The following ADGRG1 variants were observed in gnomAD, a reference collection of about 807,000 sequenced individuals.
The protein encoded by ADGRG1 is adhesion G protein-coupled receptor G1.
In ADGRG1, 53 loss-of-function variants were observed where a neutral mutation model predicts 73.5. The ratio of observed to expected loss-of-function variants is 0.72; its 90% CI spans 0.58 to 0.91. The LOEUF (loss-of-function observed/expected upper bound fraction) is 0.91, where lower values mean the gene tolerates loss of function less well. ADGRG1 is among the 40% of genes least tolerant of loss of function. ADGRG1 has a pLI of 0.00. For missense variants in ADGRG1, 795 were observed against 871.8 expected (o/e 0.91, Z 1.11); for synonymous variants, 394 against 374.4 (o/e 1.05, Z -0.60).
chr16:57,630,115 G>C, intron 1 of ADGRG1: 1 of 681,624 alleles, frequency 1.5e-6, no homozygotes, highest in African/African-American at 2.0e-5. Flanking sequence ...ACATGGCCGT[G>C]GGTGAGGCAA....
At chr16:57,631,351 G>A (rs1430237476) in intron 1 of ADGRG1, 2 of 985,842 alleles carry the variant, frequency 2.0e-6, no homozygotes, top group African/African-American at 3.5e-5. Flanking sequence ...CCGCCATCCT[G>A]TGCAGAAGCT....
At chr16:57,652,192 G>A (rs2044273102) in intron 3 of ADGRG1, 13 of 989,304 alleles carry the variant, frequency 1.3e-5, no homozygotes, top group African/African-American at 1.7e-5. Context: ...TTGACTCTGA[G>A]GTCCAGAAGC....
At chr16:57,656,366 C>T in intron 8 of ADGRG1, 95 bp downstream of exon 8, 3 of 1,611,214 alleles carry the variant, frequency 1.9e-6, no homozygotes, top group Non-Finnish European at 2.5e-6. Context: ...CGAGGGCTTC[C>T]TGGAGAAAGG....
intron 1 of ADGRG1, chr16:57,637,294 C>T (rs2039601333): frequency 2.0e-6 from 2 of 984,988 alleles, no homozygotes; most frequent in South Asian, 4.7e-5. Context: ...AGTGCTTTGG[C>T]TTTTGGCTCT....
intron 7 of ADGRG1, 116 bp from the exon 8 acceptor site, chr16:57,656,110 G>C: frequency 6.2e-7 from 1 of 1,613,530 alleles, no homozygotes; most frequent in South Asian, 1.1e-5. Flanking sequence ...CGAGCAGTCA[G>C]GTCCAAATGG....
In ADGRG1 at chr16:57,661,489, T is replaced by C. The variant is rs576805959; in HGVS notation, c.1665-208T>C. The stretch of plus-strand genomic sequence containing the variant: ...TGATTTCTGCCTCACTTTTGTACTA[T>C]CTATATTATTACTTACTTAACATTT... On this transcript the variant is annotated intron_variant, in intron 12 of 13. Transcript: ENST00000562631. 3 of 981,778 alleles carry C rather than the reference T, an allele frequency of 3.1e-6. No individual in the cohort carries two copies. In the African/African-American group the frequency reaches 5.2e-5, roughly 17 times the overall value. 60.8% of individuals were successfully genotyped at this position (981,778 alleles called of 1,614,324 possible).
upstream of ADGRG1, chr16:57,627,037 G>A (rs2035976824): frequency 3.0e-6 from 3 of 984,044 alleles, no homozygotes; most frequent in Non-Finnish European, 3.6e-6. Flanking sequence ...TTGGCCCACA[G>A]CCTGGACTGG....
rs1472183013 is a variant in ADGRG1 at position 57,651,202 on chromosome 16, G to A, written c.67G>A (p.Ala23Thr). ...LLSLLFLVQG[A>T]HGRGHREDFR... ...ATCTGCAGCCTCTGCCTCCTCAGGT[G>A]CCCACGGCAGGGGCCACAGGGAAGA... The change falls in exon 3 of 14, where the codon GCC becomes ACC. Residue 23 changes from alanine (A) to threonine (T), a missense_variant and splice_region_variant. Ala to Thr is a moderately conservative substitution (Grantham distance 58). Coordinates refer to ENST00000562631, the MANE Select transcript of ADGRG1 (RefSeq NM_201525.4). 1.9e-6 allele frequency: 3 copies of A among 1,613,858 alleles called. No individual in the cohort carries two copies. The highest frequency in any genetic ancestry group is 2.5e-6 in the Non-Finnish European group (3 of 1,179,982).
chr16:57,630,121 G>T, intron 1 of ADGRG1: 1 of 627,266 alleles, frequency 1.6e-6, no homozygotes, highest in Non-Finnish European at 2.0e-6. Flanking sequence ...CCGTGGGTGA[G>T]GCAAATAAGG....
chr16:57,645,724 C>A (rs1481981071), intron 1 of ADGRG1, among the ~76,000 whole-genome samples: 1 of 152,176 alleles, frequency 6.6e-6, no homozygotes, highest in Non-Finnish European at 1.5e-5. Flanking sequence ...CTCTTTGGGC[C>A]GGGACTGTGA....
rs1409957404 is a variant in ADGRG1 at position 57,663,608 on chromosome 16, T to A, written c.*26T>A. The stretch of plus-strand genomic sequence containing the variant: ...GCCTCCAGCCCACCTGCCCATGTGA[T>A]GAAGCAGAGATTCGGCCTCGTCGCA... On this transcript the variant is annotated 3_prime_UTR_variant, in exon 14 of 14. Coordinates refer to ENST00000562631, the MANE Select transcript of ADGRG1 (RefSeq NM_201525.4). 3 of 1,610,446 alleles carry A rather than the reference T, an allele frequency of 1.9e-6. No homozygotes were observed. The highest frequency in any genetic ancestry group is 3.3e-5 in the Admixed American group (2 of 60,016).
intron 1 of ADGRG1, chr16:57,647,742 G>T (rs2043041595): frequency 1.0e-6 from 1 of 971,170 alleles, no homozygotes; most frequent in Admixed American, 6.2e-5. Context: ...TGTCCACCTT[G>T]GAGTAGTTGT....
intron 5 of ADGRG1, chr16:57,654,890 T>G (rs1244732289): frequency 2.3e-5 from 4 of 175,200 alleles, no homozygotes; most frequent in African/African-American, 9.6e-5. Flanking sequence ...AAAAAACATT[T>G]TTTTATTTTT....
chr16:57,645,587 G>A (rs2042415015), intron 1 of ADGRG1, among the ~76,000 whole-genome samples: 3 of 152,192 alleles, frequency 2.0e-5, no homozygotes, highest in African/African-American at 7.2e-5. Flanking sequence ...TCCCCTCTCT[G>A]ACCATCTCTA....
chr16:57,655,572 T>G, intron 6 of ADGRG1, 42 bp downstream of exon 6: 3 of 1,612,796 alleles, frequency 1.9e-6, no homozygotes, highest in Non-Finnish European at 2.5e-6. Flanking sequence ...AGAAAGCAGT[T>G]TTTTTCTGAC....
At chr16:57,639,541 T>A in intron 1 of ADGRG1, 1 of 985,430 alleles carries the variant, frequency 1.0e-6, no homozygotes, top group East Asian at 1.1e-4. Flanking sequence ...CTCTGTCCTC[T>A]TGAAAAAAGG....
chr16:57,656,026 C>T (rs1162917018), intron 7 of ADGRG1, 34 bp downstream of exon 7: 1 of 1,613,856 alleles, frequency 6.2e-7, no homozygotes, highest in Non-Finnish European at 8.5e-7. Flanking sequence ...AGAACAAGCG[C>T]CCCTCGGCCA....
chr16:57,635,913 G>A, intron 1 of ADGRG1: 1 of 985,346 alleles, frequency 1.0e-6, no homozygotes, highest in South Asian at 4.7e-5. Flanking sequence ...AGCATGGGAG[G>A]CCAAGTGCAT....
intron 1 of ADGRG1, among the ~76,000 whole-genome samples, chr16:57,629,813 T>C (rs919288135): frequency 3.3e-5 from 5 of 152,138 alleles, no homozygotes; most frequent in African/African-American, 1.2e-4. Context: ...GCTGGGAGTG[T>C]GTAGGAAACC....
Sources: allele counts gnomAD v4.1 joint callset (sites outside exome capture counted in the v4.1 genomes callset), GRCh38; gene constraint gnomAD v4.1.1; transcripts MANE v1.5; gene names NCBI Gene and HGNC (gene_info 2026-07-23, HGNC 2026-07-21).